Variants in PARD3 observed in about 807,000 individuals in gnomAD.
The protein encoded by PARD3 is par-3 family cell polarity regulator.
PARD3 carries 75 observed loss-of-function variants against 155.4 expected under a neutral mutation model. The ratio of observed to expected loss-of-function variants is 0.48; its 90% CI spans 0.40 to 0.58. PARD3 has a LOEUF of 0.58. Ranked by LOEUF, PARD3 falls within the 20% of genes least tolerant of loss-of-function variation. PARD3 has a pLI of 0.00. For synonymous variants in PARD3, 576 were observed against 610.5 expected, an observed-to-expected ratio of 0.94 and a Z score of 0.83; for missense variants, 1,642 against 1,721.7, an observed-to-expected ratio of 0.95 and a Z score of 0.82.
At chr10:34,611,719 G>T (rs2090902190) in intron 2 of PARD3, among the ~76,000 whole-genome samples, 1 of 151,796 alleles carries the variant, frequency 6.6e-6, no homozygotes. Context: ...TTTCCATAAT[G>T]AAATGGGGAC....
intron 3 of PARD3, among the ~76,000 whole-genome samples, chr10:34,490,156 T>C (rs534477970): frequency 1.9e-3 from 290 of 152,306 alleles, no homozygotes; most frequent in Middle Eastern, 3.4e-3. Flanking sequence ...TCAACCACAC[T>C]GCAAGTCAGA....
Position 34,448,784 on chromosome 10 carries a change from G to A in PARD3, c.714+1533C>T, listed in dbSNP as rs190532279. On this transcript the variant is annotated intron_variant, in intron 5 of 24. Transcript: ENST00000374788. ...TGCACCACTGCACTCCAGCCTGGGT[G>A]ACAGAGCAAGACCTTATCTCAAAAA... 1.4e-3 allele frequency among the ~76,000 whole-genome samples: 220 copies of A among 152,040 alleles called. 1 individual carries two copies. Among genetic ancestry groups the A allele is most frequent in the African/African-American group, 5.1e-3 (212 of 41,472 alleles).
chr10:34,798,552 A>C (rs1842528735), intron 1 of PARD3, among the ~76,000 whole-genome samples: 1 of 151,922 alleles, frequency 6.6e-6, no homozygotes, highest in Admixed American at 6.5e-5. Flanking sequence ...TAAAAATACA[A>C]AAATTAGCCA....
chr10:34,559,853 T>C (rs1302538383), intron 2 of PARD3, among the ~76,000 whole-genome samples: 1 of 152,102 alleles, frequency 6.6e-6, no homozygotes, highest in Non-Finnish European at 1.5e-5. Context: ...TTACCACTCA[T>C]CAAAATGGAG....
At chr10:34,665,494 TG>T (rs1203287205) in intron 2 of PARD3, among the ~76,000 whole-genome samples, 1 of 152,012 alleles carries the variant, frequency 6.6e-6, no homozygotes, top group Non-Finnish European at 1.5e-5. Flanking sequence ...CACTCCAGCC[TG>T]GGCAACAAGA....
At chr10:34,231,929 G>A (rs974634220) in intron 22 of PARD3, among the ~76,000 whole-genome samples, 6 of 152,008 alleles carry the variant, frequency 3.9e-5, no homozygotes, top group Non-Finnish European at 8.8e-5. Context: ...CCAAGAAATA[G>A]GCTTTCTGTT....
intron 3 of PARD3, among the ~76,000 whole-genome samples, chr10:34,513,830 T>A (rs1465837002): frequency 3.3e-5 from 5 of 152,196 alleles, no homozygotes; most frequent in Non-Finnish European, 7.4e-5. Context: ...GTCCTGTGCT[T>A]GTAAGGTATG....
chr10:34,393,807 A>G (rs1200174244), intron 7 of PARD3, among the ~76,000 whole-genome samples: 1 of 151,512 alleles, frequency 6.6e-6, no homozygotes, highest in Non-Finnish European at 1.5e-5. Context: ...TTTAAGTTAG[A>G]TTATGAAGCC....
In PARD3 at chr10:34,110,972, A is replaced by G. The variant is rs1946355812; in HGVS notation, c.*197T>C. 6 of 517,116 alleles carry G rather than the reference A, an allele frequency of 1.2e-5. No individual in the cohort carries two copies. The South Asian group carries it at 2.6e-4, about 22-fold the overall frequency. 32.0% of individuals were successfully genotyped at this position (517,116 alleles called of 1,614,324 possible). The stretch of plus-strand genomic sequence containing the variant: ...TTGTCACAGGGTGGGAAATCCTTCC[A>G]TGAAACAGACACTTGAGACATAGTG... On this transcript the variant is annotated 3_prime_UTR_variant, in exon 25 of 25. Coordinates refer to ENST00000374788, the MANE Select transcript of PARD3 (RefSeq NM_001184785.2).
At chr10:34,170,963 G>A (rs927276700) in intron 22 of PARD3, among the ~76,000 whole-genome samples, 1 of 152,196 alleles carries the variant, frequency 6.6e-6, no homozygotes, top group Non-Finnish European at 1.5e-5. Flanking sequence ...GCTACTCAGA[G>A]CTGTAATCAA....
chr10:34,652,217 T>C (rs1046495462), intron 2 of PARD3, among the ~76,000 whole-genome samples: 8 of 152,168 alleles, frequency 5.3e-5, no homozygotes, highest in African/African-American at 1.9e-4. Flanking sequence ...CTGGCTGAAA[T>C]TCTGTAAACA....
chr10:34,446,179 G>T (rs1304993380), intron 5 of PARD3, among the ~76,000 whole-genome samples: 1 of 152,140 alleles, frequency 6.6e-6, no homozygotes, highest in East Asian at 1.9e-4. Context: ...GGACAAGCTA[G>T]AGCACAGAGC....
intron 24 of PARD3, among the ~76,000 whole-genome samples, chr10:34,113,538 C>T (rs1051598995): frequency 5.3e-5 from 8 of 151,950 alleles, no homozygotes; most frequent in African/African-American, 1.7e-4. Context: ...CACACACACA[C>T]ATGCGCACAC....
rs1227154660 is a variant in PARD3, at chr10:34,517,081, G to A, written c.301C>T (p.Pro101Ser). The A allele has an allele frequency of 6.2e-7, 1 of 1,614,134 alleles. No homozygotes were observed. Among genetic ancestry groups the A allele is most frequent in the Non-Finnish European group, 8.5e-7 (1 of 1,180,008 alleles). Residue 101 changes from proline (P) to serine (S), a missense_variant, in exon 3 of 25, where the codon CCA (proline) becomes TCA (serine). Pro to Ser is a moderately conservative substitution (Grantham distance 74). Coordinates refer to ENST00000374788, the MANE Select transcript of PARD3 (RefSeq NM_001184785.2). Reference protein sequence around the residue: ...TSASSTGTQSPEIFGSELGTN... With the variant: ...TSASSTGTQSSEIFGSELGTN... ...CCAAGCTCACTACCAAATATCTCTG[G>A]GCTCTGGGTACCCGTGGAACTGGCA...
chr10:34,204,366 G>C (rs532731228), intron 22 of PARD3, among the ~76,000 whole-genome samples: 1 of 152,198 alleles, frequency 6.6e-6, no homozygotes, highest in Non-Finnish European at 1.5e-5. Flanking sequence ...TGGTCCAGTG[G>C]TGGCAGGCTG....
chr10:34,583,585 A>C (rs1033179543), intron 2 of PARD3, among the ~76,000 whole-genome samples: 2 of 152,134 alleles, frequency 1.3e-5, no homozygotes, highest in Admixed American at 6.6e-5. Flanking sequence ...CCAGCCTTCT[A>C]AATTGAGGAA....
intron 2 of PARD3, among the ~76,000 whole-genome samples, chr10:34,526,776 C>T (rs555073754): frequency 2.0e-5 from 3 of 152,278 alleles, no homozygotes; most frequent in Non-Finnish European, 4.4e-5. Flanking sequence ...CTACAACTGC[C>T]TCCTCCTACC....
intron 22 of PARD3, among the ~76,000 whole-genome samples, chr10:34,188,241 G>C (rs1950566778): frequency 6.6e-6 from 1 of 152,166 alleles, no homozygotes; most frequent in South Asian, 2.1e-4. Context: ...GGTATTTAAA[G>C]AGATCAACAA....
At chr10:34,636,990 TAAAAG>T (rs1564445925) in intron 2 of PARD3, among the ~76,000 whole-genome samples, 1 of 152,194 alleles carries the variant, frequency 6.6e-6, no homozygotes, top group African/African-American at 2.4e-5. Context: ...GGCATGAACT[TAAAAG>T]AAAGGAACTT....
Sources: gnomAD v4.1 joint callset for allele counts (sites outside exome capture counted in the v4.1 genomes callset) on GRCh38, gnomAD v4.1.1 for gene constraint, MANE v1.5 for transcripts, NCBI Gene and HGNC (gene_info 2026-07-23, HGNC 2026-07-21) for gene names.